Variants in HK2 observed in about 807,000 individuals in gnomAD.
HK2 encodes the protein hexokinase 2.
Under a neutral mutation model 92.9 loss-of-function variants are expected in HK2, and 42 were observed. That is an observed-to-expected ratio of 0.45 (90% CI 0.35 to 0.58). The LOEUF (loss-of-function observed/expected upper bound fraction) is 0.58, where lower values mean the gene tolerates loss of function less well. Among genes scored for constraint, HK2 ranks in the 20% least tolerant of loss-of-function variants. The pLI is 0.00. For synonymous variants in HK2, 422 were observed against 468.0 expected (o/e 0.90, Z 1.27); for missense variants, 978 against 1,245.1 (o/e 0.79, Z 3.23).
At chr2:74,885,885 C>CACACACACACACAG (rs58908262) in intron 13 of HK2, among the ~76,000 whole-genome samples, 1 of 148,420 alleles carries the variant, frequency 6.7e-6, no homozygotes, top group African/African-American at 2.5e-5. Flanking sequence ...CACACACACA[C>CACACACACACACAG]AGTAAAGGAA....
In HK2 at chr2:74,870,880, C is replaced by T. The variant is rs187976828; in HGVS notation, c.376-1420C>T. 2.5e-3 allele frequency among the ~76,000 whole-genome samples: 383 copies of T among 152,238 alleles called. 5 individuals are homozygous for T. Among genetic ancestry groups the T allele is most frequent in the Non-Finnish European group, 9.6e-4 (65 of 68,014 alleles). On this transcript the variant is annotated intron_variant, in intron 3 of 17. Transcript: ENST00000290573. ...AGCTGTTGTTAACTTTGCATGGGAT[C>T]AGACAGAGGGACAGACAGAATGGAT... is the stretch of plus-strand genomic sequence containing the variant.
intron 1 of HK2, among the ~76,000 whole-genome samples, chr2:74,850,266 G>C (rs1207107364): frequency 6.6e-6 from 1 of 152,238 alleles, no homozygotes; most frequent in Non-Finnish European, 1.5e-5. Flanking sequence ...CTCCTCATGT[G>C]ATTCTGATGT....
chr2:74,867,646 G>A lies in HK2; in HGVS notation c.237G>A (p.Glu79=). 1 of 1,613,450 alleles carries A rather than the reference G, an allele frequency of 6.2e-7. No homozygotes were observed. The highest frequency in any genetic ancestry group is 8.5e-7 in the Non-Finnish European group (1 of 1,180,014). ...TTCCTTTCTCTGCAGAACACGGAGA[G>A]TTCCTGGCTCTGGATCTTGGAGGGA... ...RSTPDGTEHG[E]FLALDLGGTN... is the part of the protein sequence containing the mutation. Residue 79 remains glutamate, a synonymous_variant, in exon 3 of 18, where the codon GAG becomes GAA. Transcript: ENST00000290573.
At chr2:74,848,200 G>A (rs1341592659) in intron 1 of HK2, among the ~76,000 whole-genome samples, 1 of 152,096 alleles carries the variant, frequency 6.6e-6, no homozygotes, top group Non-Finnish European at 1.5e-5. Context: ...CACTTCCCAT[G>A]GGCTGCCTTG....
rs71406901 is a variant in HK2, at chr2:74,885,845, AACACACACACAC to A, written c.1935+286_1935+297del. 1.3e-3 allele frequency among the ~76,000 whole-genome samples: 173 copies of A among 129,152 alleles called. 1 individual carries two copies. The highest frequency in any genetic ancestry group is 2.1e-3 in the Non-Finnish European group (131 of 62,766). The allele number at this position is 129,152 out of a possible 152,430, so 84.7% of individuals were successfully genotyped here. A position where few individuals can be genotyped will look rare whatever the true frequency, so the allele number is the denominator to read the frequency against. On this transcript the variant is annotated intron_variant, in intron 13 of 17. Transcript: ENST00000290573. ...TGGCAGGTGCTGTTAAGAGCTGTGA[AACACACACACAC>A]ACACACACACACACACACACACACA...
chr2:74,841,247 G>C (rs1051784234), intron 1 of HK2, among the ~76,000 whole-genome samples: 1 of 151,492 alleles, frequency 6.6e-6, no homozygotes, highest in African/African-American at 2.4e-5. Flanking sequence ...AGACATTTTT[G>C]GTTGTCACAA....
chr2:74,849,924 G>A (rs1349349321), intron 1 of HK2, among the ~76,000 whole-genome samples: 1 of 152,202 alleles, frequency 6.6e-6, no homozygotes, highest in African/African-American at 2.4e-5. Flanking sequence ...ATCAAGGGTT[G>A]ACCTGAATGA....
chr2:74,870,305 G>A (rs924266746), intron 3 of HK2, among the ~76,000 whole-genome samples: 47 of 152,004 alleles, frequency 3.1e-4, no homozygotes, highest in African/African-American at 4.4e-4. Flanking sequence ...CCACTGCGCC[G>A]GCCTGTTTTA....
At chr2:74,866,469 C>CT (rs1688952035) in intron 2 of HK2, among the ~76,000 whole-genome samples, 3 of 150,716 alleles carry the variant, frequency 2.0e-5, no homozygotes, top group African/African-American at 7.3e-5. Flanking sequence ...TGCGCCTTGC[C>CT]TGCTCCGCCA....
intron 8 of HK2, among the ~76,000 whole-genome samples, chr2:74,878,405 G>A (rs1051791206): frequency 1.7e-5 from 2 of 117,838 alleles, no homozygotes; most frequent in Non-Finnish European, 3.4e-5. Flanking sequence ...TCTCAACTCC[G>A]TGTGTCTCTG....
chr2:74,854,809 C>T lies in HK2; in HGVS notation c.226+354C>T, dbSNP rs931991799. ...ACTACAACAAACGTACCTCACGTGGCCACAACTGTAGGCCGTGGGAGCCGC... is the reference window on the plus strand; with the variant it reads ...ACTACAACAAACGTACCTCACGTGGTCACAACTGTAGGCCGTGGGAGCCGC... On this transcript the variant is annotated intron_variant, in intron 2 of 17. Coordinates refer to ENST00000290573, the MANE Select transcript of HK2 (RefSeq NM_000189.5). 6.6e-5 allele frequency among the ~76,000 whole-genome samples: 10 copies of T among 152,166 alleles called. No individual in the cohort carries two copies. The East Asian group carries it at 1.9e-3, about 29-fold the overall frequency.
At chr2:74,873,429 C>T in intron 5 of HK2, 58 bp downstream of exon 5, 1 of 1,143,666 alleles carries the variant, frequency 8.7e-7, no homozygotes, top group African/African-American at 1.5e-5. Flanking sequence ...ACCCTGAAGA[C>T]TCCCTGAGTG....
In HK2 at chr2:74,865,102, G is replaced by C. The variant is rs112758407; in HGVS notation, c.227-2534G>C. Among the ~76,000 whole-genome samples, 121 of 152,264 alleles carry C rather than the reference G, an allele frequency of 7.9e-4. 1 individual carries two copies. Among genetic ancestry groups the C allele is most frequent in the African/African-American group, 2.7e-3 (114 of 41,492 alleles). On this transcript the variant is annotated intron_variant, in intron 2 of 17. Coordinates refer to ENST00000290573, the MANE Select transcript of HK2 (RefSeq NM_000189.5). ...ATTGCCGAGTCACAGTGCTAGGCCT[G>C]CCTCAGATTCCGGACTTGGAAGGAA...
intron 11 of HK2, 31 bp from the exon 12 acceptor site, chr2:74,882,089 C>T (rs1180673406): frequency 6.2e-7 from 1 of 1,611,514 alleles, no homozygotes; most frequent in Non-Finnish European, 8.5e-7. Context: ...GCCCAGGGCC[C>T]CTCCCTCAGT....
chr2:74,890,329 C>T (rs1278740974), intron 17 of HK2, among the ~76,000 whole-genome samples: 2 of 152,206 alleles, frequency 1.3e-5, no homozygotes, highest in Non-Finnish European at 2.9e-5. Flanking sequence ...GCTTCTTTTG[C>T]CTCCGATGAC....
chr2:74,840,911 G>A (rs1573352176), intron 1 of HK2, among the ~76,000 whole-genome samples: 2 of 148,728 alleles, frequency 1.3e-5, no homozygotes, highest in South Asian at 4.2e-4. Flanking sequence ...AAAAGCTGTG[G>A]GGGTTGGGAT....
chr2:74,886,849 T>C (rs1318339452), intron 15 of HK2, among the ~76,000 whole-genome samples, 176 bp downstream of exon 15: 1 of 152,130 alleles, frequency 6.6e-6, no homozygotes, highest in Non-Finnish European at 1.5e-5. Context: ...AGTTAGTAAA[T>C]GTAAGAAGCA....
intron 1 of HK2, among the ~76,000 whole-genome samples, chr2:74,837,929 C>T (rs1191619840): frequency 6.6e-6 from 1 of 152,162 alleles, no homozygotes; most frequent in Non-Finnish European, 1.5e-5. Flanking sequence ...CTGCCTCAGC[C>T]TCCCGTAGTG....
chr2:74,866,782 T>G (rs1688959407), intron 2 of HK2, among the ~76,000 whole-genome samples: 1 of 152,188 alleles, frequency 6.6e-6, no homozygotes. Flanking sequence ...AGCATTCTCT[T>G]GCATTCTGAT....
Sources: gnomAD v4.1 joint callset for allele counts (sites outside exome capture counted in the v4.1 genomes callset) on GRCh38, gnomAD v4.1.1 for gene constraint, MANE v1.5 for transcripts, NCBI Gene and HGNC (gene_info 2026-07-23, HGNC 2026-07-21) for gene names.